GRM5: variants seen among roughly 807,000 people sequenced by gnomAD.
The protein encoded by GRM5 is metabotropic glutamate receptor 5.
In GRM5, 19 loss-of-function variants were observed where a neutral mutation model predicts 83.1. That is an observed-to-expected ratio of 0.23 (90% CI 0.16 to 0.34). The LOEUF (loss-of-function observed/expected upper bound fraction) is 0.34, where lower values mean the gene tolerates loss of function less well. GRM5 is among the 10% of genes least tolerant of loss of function. GRM5 has a pLI of 1.00. For missense variants in GRM5, 1,160 were observed against 1,588.3 expected, an observed-to-expected ratio of 0.73 and a Z score of 4.58; for synonymous variants, 675 against 633.6, an observed-to-expected ratio of 1.07 and a Z score of -0.98.
chr11:88,992,975 C>T (rs913112181), intron 2 of GRM5, among the ~76,000 whole-genome samples: 3 of 151,392 alleles, frequency 2.0e-5, no homozygotes, highest in African/African-American at 7.3e-5. Context: ...TGTAACAAAC[C>T]TGCACGTTGT....
intron 3 of GRM5, among the ~76,000 whole-genome samples, chr11:88,770,837 CAT>C (rs975122450): frequency 6.6e-6 from 1 of 152,062 alleles, no homozygotes; most frequent in African/African-American, 2.4e-5. Context: ...TAAGTACAAT[CAT>C]GTGATAATGT....
intron 2 of GRM5, among the ~76,000 whole-genome samples, chr11:88,997,076 G>A (rs1460995529): frequency 6.6e-6 from 1 of 152,170 alleles, no homozygotes; most frequent in South Asian, 2.1e-4. Flanking sequence ...TGTAATCCCA[G>A]CAGTTTGGGA....
intron 2 of GRM5, among the ~76,000 whole-genome samples, chr11:89,031,743 T>G (rs938350210): frequency 3.3e-5 from 5 of 152,064 alleles, no homozygotes; most frequent in African/African-American, 1.2e-4. Context: ...ATTTCTTTTC[T>G]AAATGTTAAA....
At chr11:88,920,625 A>C (rs1021636318) in intron 2 of GRM5, among the ~76,000 whole-genome samples, 2 of 152,172 alleles carry the variant, frequency 1.3e-5, no homozygotes, top group African/African-American at 4.8e-5. Context: ...AAGACACATC[A>C]AAAAAACAAA....
At chr11:88,972,989 T>C in intron 2 of GRM5, among the ~76,000 whole-genome samples, 1 of 152,142 alleles carries the variant, frequency 6.6e-6, no homozygotes, top group East Asian at 1.9e-4. Flanking sequence ...ACTAGGCTAA[T>C]TTTTAAAAAT....
chr11:88,982,673 A>T (rs929788526), intron 2 of GRM5, among the ~76,000 whole-genome samples: 1 of 152,228 alleles, frequency 6.6e-6, no homozygotes, highest in African/African-American at 2.4e-5. Flanking sequence ...ATCTTAAATT[A>T]TAATTAAATT....
At chr11:88,564,471 G>A (rs7106752) in intron 8 of GRM5, among the ~76,000 whole-genome samples, 8,172 of 152,186 alleles carry the variant, frequency 0.054, 697 homozygotes, top group African/African-American at 0.18. Context: ...TATAACTATA[G>A]TAAAGCAAGG....
chr11:88,939,457 T>C (rs1453557467), intron 2 of GRM5, among the ~76,000 whole-genome samples: 1 of 151,710 alleles, frequency 6.6e-6, no homozygotes, highest in Non-Finnish European at 1.5e-5. Flanking sequence ...CAAAAAACTT[T>C]TAAAAGTTGT....
At chr11:88,769,807 T>C (rs1239219260) in intron 3 of GRM5, among the ~76,000 whole-genome samples, 1 of 151,980 alleles carries the variant, frequency 6.6e-6, no homozygotes, top group Non-Finnish European at 1.5e-5. Flanking sequence ...TGCAAAAGAA[T>C]TCCAAATAAA....
At chr11:88,543,648 T>TC (rs1414634157) in intron 8 of GRM5, among the ~76,000 whole-genome samples, 4,797 of 150,066 alleles carry the variant, frequency 0.032, 137 homozygotes, top group African/African-American at 0.082. Flanking sequence ...TTTTTTTTTT[T>TC]TGAGGCCTTT....
At chr11:88,674,221 T>C (rs1448988868) in intron 3 of GRM5, among the ~76,000 whole-genome samples, 1 of 151,784 alleles carries the variant, frequency 6.6e-6, no homozygotes, top group Non-Finnish European at 1.5e-5. Context: ...AGTAACAAAT[T>C]CTCCTAACAC....
chr11:88,855,780 T>C (rs1012884123), intron 2 of GRM5, among the ~76,000 whole-genome samples: 53 of 151,904 alleles, frequency 3.5e-4, no homozygotes, highest in African/African-American at 1.3e-3. Flanking sequence ...ATATTCATTA[T>C]ATTTTGGATG....
At chr11:88,915,159 T>C (rs1422845777) in intron 2 of GRM5, among the ~76,000 whole-genome samples, 6 of 152,092 alleles carry the variant, frequency 3.9e-5, no homozygotes, top group African/African-American at 1.4e-4. Flanking sequence ...AATTTTTAGT[T>C]ATACTGAGAG....
chr11:88,871,358 A>C (rs1236748423), intron 2 of GRM5, among the ~76,000 whole-genome samples: 1 of 151,664 alleles, frequency 6.6e-6, no homozygotes, highest in Non-Finnish European at 1.5e-5. Flanking sequence ...CTACTGCAGG[A>C]AAGAAAAGAG....
intron 3 of GRM5, among the ~76,000 whole-genome samples, chr11:88,828,086 A>T (rs1322424330): frequency 6.6e-6 from 1 of 152,150 alleles, no homozygotes; most frequent in African/African-American, 2.4e-5. Flanking sequence ...GTAAGTGCAA[A>T]AGCCCTGAGG....
At chr11:88,844,215 C>T (rs1039078183) in intron 3 of GRM5, among the ~76,000 whole-genome samples, 1 of 152,046 alleles carries the variant, frequency 6.6e-6, no homozygotes, top group Non-Finnish European at 1.5e-5. Context: ...CAATCATTTC[C>T]ATTCTGAGAA....
At chr11:89,055,317 C>T (rs1166058415) in intron 1 of GRM5, among the ~76,000 whole-genome samples, 2 of 152,164 alleles carry the variant, frequency 1.3e-5, no homozygotes, top group African/African-American at 2.4e-5. Context: ...GTACCTACCC[C>T]AAAGAGTTTT....
intron 2 of GRM5, among the ~76,000 whole-genome samples, chr11:88,942,977 T>A (rs1305687717): frequency 6.6e-6 from 1 of 152,056 alleles, no homozygotes; most frequent in Admixed American, 6.6e-5. Flanking sequence ...GTTCCCCCAA[T>A]ATGGCACCAT....
intron 3 of GRM5, among the ~76,000 whole-genome samples, chr11:88,782,592 A>AT (rs933091046): frequency 2.0e-5 from 3 of 152,070 alleles, no homozygotes; most frequent in Non-Finnish European, 4.4e-5. Context: ...CTAATTGCAT[A>AT]TTTTTTTGAC....
Sources: allele counts gnomAD v4.1 joint callset (sites outside exome capture counted in the v4.1 genomes callset), GRCh38; gene constraint gnomAD v4.1.1; transcripts MANE v1.5; gene names NCBI Gene and HGNC (gene_info 2026-07-23, HGNC 2026-07-21).